Variants in SYK observed in about 807,000 individuals in gnomAD.
SYK encodes spleen associated tyrosine kinase.
SYK carries 16 observed loss-of-function variants against 77.8 expected under a neutral mutation model. The observed-to-expected ratio is 0.21, with a 90% confidence interval of 0.14 to 0.31. The LOEUF (loss-of-function observed/expected upper bound fraction) is 0.31. Among genes scored for constraint, SYK ranks in the 10% least tolerant of loss-of-function variants. The probability of loss-of-function intolerance (pLI) is 1.00; values close to 1 mark genes in which losing one functional copy is unlikely to be tolerated. For synonymous variants in SYK, 312 were observed against 308.7 expected, an observed-to-expected ratio of 1.01 and a Z score of -0.11; for missense variants, 529 against 814.4, an observed-to-expected ratio of 0.65 and a Z score of 4.26.
chr9:90,819,007 G>A (rs1319302819), intron 1 of SYK, among the ~76,000 whole-genome samples: 1 of 152,206 alleles, frequency 6.6e-6, no homozygotes, highest in Non-Finnish European at 1.5e-5. Context: ...AGAGTAGCAG[G>A]AAACATTTTG....
chr9:90,846,850 G>C (rs929222858), intron 3 of SYK, among the ~76,000 whole-genome samples: 2 of 152,228 alleles, frequency 1.3e-5, no homozygotes, highest in African/African-American at 4.8e-5. Flanking sequence ...GGCACCTATG[G>C]CTATTTTTGC....
chr9:90,879,077 T>G lies in SYK; in HGVS notation c.1581+124T>G, dbSNP rs1172171206. The G allele has an allele frequency of 6.3e-6, 4 of 633,690 alleles. No homozygotes were observed. In the Admixed American group the frequency reaches 1.1e-4, roughly 18 times the overall value. The allele number at this position is 633,690 out of a possible 1,614,324, so 39.3% of individuals were successfully genotyped here. ...CAGTTTTGCTACTGAAAAATAACTA[T>G]GTAAGATATGTTCTTATAATCTTTG... On this transcript the variant is annotated intron_variant, in intron 11 of 13. Coordinates refer to ENST00000375754, the MANE Select transcript of SYK (RefSeq NM_003177.7).
At chr9:90,825,917 G>T (rs1360548218) in intron 1 of SYK, among the ~76,000 whole-genome samples, 2 of 152,194 alleles carry the variant, frequency 1.3e-5, no homozygotes, top group Non-Finnish European at 2.9e-5. Flanking sequence ...GAGCTCTTGG[G>T]CCAAGGTTCT....
At chr9:90,829,829 G>A (rs745743) in intron 1 of SYK, among the ~76,000 whole-genome samples, 16,071 of 152,192 alleles carry the variant, frequency 0.11, 1,303 homozygotes, top group East Asian at 0.45. Flanking sequence ...ACACCAAAGC[G>A]TAATATCTGT....
intron 1 of SYK, among the ~76,000 whole-genome samples, chr9:90,841,859 T>TGTGTA (rs1554708379): frequency 2.7e-5 from 4 of 149,512 alleles, no homozygotes; most frequent in Non-Finnish European, 5.9e-5. Context: ...CAGTGTGTTA[T>TGTGTA]GTGTGTTGTG....
In SYK at chr9:90,884,422, T is replaced by C. The variant is rs1266492582; in HGVS notation, c.1582-3327T>C. ...ACACATATGTGTATATATACATACA[T>C]ATACACATATGTGTGTACATATACA... On this transcript the variant is annotated intron_variant, in intron 11 of 13. Coordinates refer to ENST00000375754, the MANE Select transcript of SYK (RefSeq NM_003177.7). Among the ~76,000 whole-genome samples the C allele has an allele frequency of 4.4e-3, 320 of 73,296 alleles. 120 individuals are homozygous for C. The highest frequency in any genetic ancestry group is 0.016 in the Middle Eastern group (2 of 124). 48.1% of individuals were successfully genotyped at this position (73,296 alleles called of 152,430 possible).
chr9:90,873,368 C>A (rs897333063), intron 7 of SYK, among the ~76,000 whole-genome samples: 1 of 149,338 alleles, frequency 6.7e-6, no homozygotes, highest in African/African-American at 2.5e-5. Context: ...GCATCTGAAT[C>A]ATGGTTCTCC....
At chr9:90,851,401 G>A (rs540848700) in intron 3 of SYK, among the ~76,000 whole-genome samples, 1 of 152,212 alleles carries the variant, frequency 6.6e-6, no homozygotes, top group South Asian at 2.1e-4. Flanking sequence ...GAAGAATAAC[G>A]AATATAAACA....
chr9:90,874,290 A>G lies in SYK; in HGVS notation c.1002A>G (p.Lys334=), dbSNP rs1485135714. The change falls in exon 8 of 14, where the codon AAA becomes AAG. Residue 334 remains lysine, a splice_region_variant and synonymous_variant. Transcript: ENST00000375754. ...AACTTGCACCCTGGGCTGCAGACAAAGGTGAGACTTCCTTTCATTCAAGGG... is the reference window on the plus strand; with the variant it reads ...AACTTGCACCCTGGGCTGCAGACAAGGGTGAGACTTCCTTTCATTCAAGGG... ...EPELAPWAAD[K]GPQREALPMD... 3 of 1,613,944 alleles carry G rather than the reference A, an allele frequency of 1.9e-6. No individual in the cohort carries two copies. The highest frequency in any genetic ancestry group is 2.5e-6 in the Non-Finnish European group (3 of 1,179,922).
chr9:90,890,474 A>C (rs893855112), intron 13 of SYK, among the ~76,000 whole-genome samples: 2 of 152,210 alleles, frequency 1.3e-5, no homozygotes, highest in African/African-American at 4.8e-5. Context: ...ATTCTTTCTA[A>C]ACGTATTTTC....
At chr9:90,843,089 C>G (rs920921977) in intron 1 of SYK, among the ~76,000 whole-genome samples, 1 of 152,136 alleles carries the variant, frequency 6.6e-6, no homozygotes, top group South Asian at 2.1e-4. Context: ...CTCTTTAGCA[C>G]GGGCCCTGCA....
At chr9:90,837,488 C>T (rs890813301) in intron 1 of SYK, among the ~76,000 whole-genome samples, 1 of 151,990 alleles carries the variant, frequency 6.6e-6, no homozygotes, top group African/African-American at 2.4e-5. Flanking sequence ...GGAAGCCAAG[C>T]AGGAGGCAGG....
chr9:90,867,479 G>A (rs1194876076), intron 7 of SYK, among the ~76,000 whole-genome samples: 4 of 152,192 alleles, frequency 2.6e-5, no homozygotes, highest in African/African-American at 9.7e-5. Context: ...TTCAGTTGGC[G>A]TCATCCGTCA....
chr9:90,870,366 G>C (rs146151678), intron 7 of SYK, among the ~76,000 whole-genome samples: 1 of 152,180 alleles, frequency 6.6e-6, no homozygotes, highest in African/African-American at 2.4e-5. Flanking sequence ...CCCCTAAGAG[G>C]ATTAAACTGA....
chr9:90,830,137 C>T (rs768141304), intron 1 of SYK, among the ~76,000 whole-genome samples: 1 of 152,254 alleles, frequency 6.6e-6, no homozygotes, highest in Non-Finnish European at 1.5e-5. Context: ...AGAAGTCCCC[C>T]ATGTATGCCT....
At chr9:90,874,394 A>G in intron 8 of SYK, 103 bp downstream of exon 8, 1 of 1,183,144 alleles carries the variant, frequency 8.5e-7, no homozygotes, top group Non-Finnish European at 1.2e-6. Flanking sequence ...CCGTGATTGC[A>G]ATACAGCCAC....
At chr9:90,803,711 G>A (rs1381637368) in intron 1 of SYK, among the ~76,000 whole-genome samples, 3 of 151,888 alleles carry the variant, frequency 2.0e-5, no homozygotes, top group African/African-American at 4.8e-5. Flanking sequence ...ATATGCTTGT[G>A]CCAAGACGTA....
At chr9:90,841,043 T>A (rs1237491239) in intron 1 of SYK, among the ~76,000 whole-genome samples, 2 of 151,710 alleles carry the variant, frequency 1.3e-5, no homozygotes, top group Admixed American at 6.6e-5. Flanking sequence ...GTGTGTAGTG[T>A]GTATGTAGTG....
chr9:90,822,446 G>C (rs1255409129), intron 1 of SYK, among the ~76,000 whole-genome samples: 1 of 152,160 alleles, frequency 6.6e-6, no homozygotes, highest in Non-Finnish European at 1.5e-5. Flanking sequence ...AAACTTAGTA[G>C]CAAGCCCATT....
Sources: allele counts gnomAD v4.1 joint callset (sites outside exome capture counted in the v4.1 genomes callset), GRCh38; gene constraint gnomAD v4.1.1; transcripts MANE v1.5; gene names NCBI Gene and HGNC (gene_info 2026-07-23, HGNC 2026-07-21).